GRIK1: variants seen among roughly 807,000 people sequenced by gnomAD.
GRIK1 encodes the protein glutamate ionotropic receptor kainate type subunit 1.
GRIK1 carries 69 observed loss-of-function variants against 105.7 expected under a neutral mutation model. That is an observed-to-expected ratio of 0.65 (90% CI 0.54 to 0.80). The LOEUF (loss-of-function observed/expected upper bound fraction) is 0.80, where lower values mean the gene tolerates loss of function less well. Ranked by LOEUF, GRIK1 falls within the 30% of genes least tolerant of loss-of-function variation. GRIK1 has a pLI of 0.00. For missense variants in GRIK1, 1,109 were observed against 1,167.3 expected, an observed-to-expected ratio of 0.95 and a Z score of 0.73; for synonymous variants, 438 against 431.3, an observed-to-expected ratio of 1.02 and a Z score of -0.19.
At chr21:29,634,277 C>T (rs1198793960) in intron 7 of GRIK1, among the ~76,000 whole-genome samples, 3 of 152,194 alleles carry the variant, frequency 2.0e-5, no homozygotes, top group African/African-American at 7.2e-5. Context: ...AATGTATAAT[C>T]TCCATTTCAT....
intron 1 of GRIK1, among the ~76,000 whole-genome samples, chr21:29,778,174 T>TGAA (rs1235763798): frequency 6.6e-6 from 1 of 152,182 alleles, no homozygotes; most frequent in Non-Finnish European, 1.5e-5. Context: ...TTGTCCCAGC[T>TGAA]GAAGAAAAGC....
intron 15 of GRIK1, among the ~76,000 whole-genome samples, chr21:29,560,346 TC>T (rs2090382471): frequency 4.8e-4 from 53 of 110,084 alleles, no homozygotes; most frequent in Admixed American, 1.5e-3. Flanking sequence ...TTTCTTTCTT[TC>T]TTTCTTTCTT....
intron 1 of GRIK1, among the ~76,000 whole-genome samples, chr21:29,897,376 G>T (rs897484591): frequency 2.6e-5 from 4 of 152,156 alleles, no homozygotes; most frequent in Admixed American, 6.6e-5. Flanking sequence ...TTAAAATCTT[G>T]AAAAGCATGG....
chr21:29,875,673 G>A (rs572514074), intron 1 of GRIK1, among the ~76,000 whole-genome samples: 1 of 151,908 alleles, frequency 6.6e-6, no homozygotes, highest in Non-Finnish European at 1.5e-5. Context: ...ACCATACTGA[G>A]CCCTTCATAT....
intron 3 of GRIK1, among the ~76,000 whole-genome samples, chr21:29,677,584 A>G (rs975217506): frequency 1.4e-5 from 2 of 141,524 alleles, no homozygotes; most frequent in African/African-American, 2.8e-5. Flanking sequence ...ATGGAGGAGG[A>G]AAAAAAAAAA....
intron 1 of GRIK1, among the ~76,000 whole-genome samples, chr21:29,716,094 TCTC>T (rs2064170346): frequency 6.6e-6 from 1 of 152,080 alleles, no homozygotes. Flanking sequence ...GCTTGGCACT[TCTC>T]CTTTCTGCCT....
At chr21:29,812,975 A>G (rs456466) in intron 1 of GRIK1, among the ~76,000 whole-genome samples, 28,312 of 152,096 alleles carry the variant, frequency 0.19, 2,864 homozygotes, top group Middle Eastern at 0.28. Flanking sequence ...AAGATAAGAT[A>G]TTCTGGGTAC....
chr21:29,720,738 C>T lies in GRIK1; in HGVS notation c.119-26675G>A, dbSNP rs1007429714. ...TGAGTGCTTCCTAAGCGTACACACA[C>T]GCACCCCAGAAATGTTGTTACAATT... On this transcript the variant is annotated intron_variant, in intron 1 of 17. Coordinates refer to ENST00000327783, the MANE Select transcript of GRIK1 (RefSeq NM_001330994.2). Among the ~76,000 whole-genome samples, 5 of 152,068 alleles carry T rather than the reference C, an allele frequency of 3.3e-5. No homozygotes were observed. In the East Asian group the frequency reaches 5.8e-4, roughly 18 times the overall value.
rs1601704762 is a variant in GRIK1 at position 29,790,508 on chromosome 21, T to C, written c.119-96445A>G. On this transcript the variant is annotated intron_variant, in intron 1 of 17. Coordinates refer to ENST00000327783, the MANE Select transcript of GRIK1 (RefSeq NM_001330994.2). ...GGTCTTGCTGTCACCCAGTCTGAAA[T>C]GCAGCAGTGCAATCACAGCTCACTG... Among the ~76,000 whole-genome samples the C allele has an allele frequency of 3.3e-5, 5 of 151,988 alleles. No individual in the cohort carries two copies. In the South Asian group the frequency reaches 1.0e-3, roughly 32 times the overall value.
At chr21:29,792,964 A>G (rs1442753537) in intron 1 of GRIK1, among the ~76,000 whole-genome samples, 2 of 152,218 alleles carry the variant, frequency 1.3e-5, no homozygotes, top group Admixed American at 6.5e-5. Flanking sequence ...AGTAGCACTT[A>G]GTGCAATCAA....
chr21:29,695,499 G>T (rs146583413), intron 1 of GRIK1, among the ~76,000 whole-genome samples: 5,148 of 149,278 alleles, frequency 0.034, 232 homozygotes, highest in East Asian at 0.16. Flanking sequence ...TTTTGAGATG[G>T]AGTCTTGCTC....
chr21:29,931,107 C>G, intron 1 of GRIK1, among the ~76,000 whole-genome samples: 1 of 152,182 alleles, frequency 6.6e-6, no homozygotes, highest in East Asian at 1.9e-4. Flanking sequence ...TAGTATGGTA[C>G]AGCGTTAAAA....
chr21:29,903,805 T>C (rs1421080985), intron 1 of GRIK1, among the ~76,000 whole-genome samples: 1 of 152,172 alleles, frequency 6.6e-6, no homozygotes, highest in Non-Finnish European at 1.5e-5. Flanking sequence ...AATTATTCTA[T>C]GATAAAGACA....
chr21:29,718,350 T>G (rs969759339), intron 1 of GRIK1, among the ~76,000 whole-genome samples: 4 of 152,194 alleles, frequency 2.6e-5, no homozygotes, highest in Admixed American at 6.5e-5. Context: ...ACACTTGTTT[T>G]CATTTATTAT....
intron 4 of GRIK1, among the ~76,000 whole-genome samples, chr21:29,671,028 A>T (rs1447406458): frequency 6.6e-6 from 1 of 152,204 alleles, no homozygotes; most frequent in Non-Finnish European, 1.5e-5. Context: ...GACTCTGGCA[A>T]TATCATTTTA....
At chr21:29,553,489 A>G in intron 16 of GRIK1, 1 of 1,476,714 alleles carries the variant, frequency 6.8e-7, no homozygotes, top group Non-Finnish European at 8.9e-7. Context: ...AAATACAAAT[A>G]TCAACAACAC....
chr21:29,879,688 C>A (rs2069326819), intron 1 of GRIK1, among the ~76,000 whole-genome samples: 1 of 152,028 alleles, frequency 6.6e-6, no homozygotes. Flanking sequence ...AATTAGCAGT[C>A]CCGATCTTCC....
At position 29,722,429 on chromosome 21, in the gene GRIK1, G is replaced by A. The variant is rs544886511; in HGVS notation, c.119-28366C>T. 1.4e-3 allele frequency among the ~76,000 whole-genome samples: 220 copies of A among 152,036 alleles called. 2 individuals are homozygous for A. The highest frequency in any genetic ancestry group is 5.1e-3 in the African/African-American group (212 of 41,472). ...AAATTAGCCAGGTGTGGTGGTGGGC[G>A]CCTGTAGTCCCAGCTACTCAGGTGG... On this transcript the variant is annotated intron_variant, in intron 1 of 17. Transcript: ENST00000327783.
chr21:29,861,985 A>G (rs2068656392), intron 1 of GRIK1, among the ~76,000 whole-genome samples: 1 of 151,962 alleles, frequency 6.6e-6, no homozygotes, highest in South Asian at 2.1e-4. Flanking sequence ...CCTTATAATT[A>G]TTACTTATAT....
Sources: gnomAD v4.1 joint callset for allele counts (sites outside exome capture counted in the v4.1 genomes callset) on GRCh38, gnomAD v4.1.1 for gene constraint, MANE v1.5 for transcripts, NCBI Gene and HGNC (gene_info 2026-07-23, HGNC 2026-07-21) for gene names.